AFAP1L2: variants seen among roughly 807,000 people sequenced by gnomAD.
AFAP1L2 encodes the protein actin filament-associated protein 1-like 2.
AFAP1L2 carries 46 observed loss-of-function variants against 99.3 expected under a neutral mutation model. That is an observed-to-expected ratio of 0.46 (90% CI 0.37 to 0.59). The LOEUF (loss-of-function observed/expected upper bound fraction) is 0.59. Among genes scored for constraint, AFAP1L2 ranks in the 20% least tolerant of loss-of-function variants. The pLI is 0.00. For synonymous variants in AFAP1L2, 397 were observed against 419.1 expected, an observed-to-expected ratio of 0.95 and a Z score of 0.64; for missense variants, 959 against 1,034.9, an observed-to-expected ratio of 0.93 and a Z score of 1.01.
At chr10:114,369,594 C>CA (rs34904418) in intron 1 of AFAP1L2, among the ~76,000 whole-genome samples, 2,304 of 73,676 alleles carry the variant, frequency 0.031, 96 homozygotes, top group African/African-American at 0.086. Flanking sequence ...GACTCCGACT[C>CA]AAAAAAAAAA....
chr10:114,350,810 C>T (rs543954026), intron 1 of AFAP1L2, among the ~76,000 whole-genome samples: 150 of 152,148 alleles, frequency 9.9e-4, no homozygotes, highest in Non-Finnish European at 1.6e-3. Flanking sequence ...GAAACCCGAC[C>T]CCTGAGGCAC....
intron 5 of AFAP1L2, among the ~76,000 whole-genome samples, chr10:114,322,253 G>C (rs2045479743): frequency 6.6e-6 from 1 of 152,164 alleles, no homozygotes; most frequent in Non-Finnish European, 1.5e-5. Flanking sequence ...CATGAGCACA[G>C]AGTAATACAC....
intron 7 of AFAP1L2, among the ~76,000 whole-genome samples, chr10:114,310,982 G>A (rs894304112): frequency 3.1e-5 from 3 of 97,104 alleles, no homozygotes; most frequent in South Asian, 6.8e-4. Context: ...CCTCTGGGAA[G>A]GGGCCTCTTC....
the AFAP1L2 span, chr10:114,281,377 G>C: frequency 1.3e-5 from 2 of 152,302 alleles, no homozygotes; most frequent in African/African-American, 4.8e-5. Flanking sequence ...TAGAGTGGGG[G>C]GATTTGGAGT....
At chr10:114,358,579 C>T (rs1317270619) in intron 1 of AFAP1L2, among the ~76,000 whole-genome samples, 3 of 152,058 alleles carry the variant, frequency 2.0e-5, no homozygotes, top group South Asian at 2.1e-4. Context: ...ATAACAATAA[C>T]AATAATAATA....
intron 9 of AFAP1L2, among the ~76,000 whole-genome samples, 187 bp downstream of exon 9, chr10:114,308,246 C>T (rs1256052121): frequency 1.3e-5 from 2 of 152,222 alleles, no homozygotes; most frequent in African/African-American, 4.8e-5. Flanking sequence ...CTATCCCCAG[C>T]ATTTCATGAA....
At chr10:114,286,115 C>CT in the AFAP1L2 span, 8 of 1,614,016 alleles carry the variant, frequency 5.0e-6, no homozygotes, top group Non-Finnish European at 6.8e-6. Context: ...CAGGGAGCTG[C>CT]TGGTGGCGGT....
At chr10:114,396,908 T>C (rs1241928881) in intron 1 of AFAP1L2, among the ~76,000 whole-genome samples, 1 of 152,226 alleles carries the variant, frequency 6.6e-6, no homozygotes, top group Non-Finnish European at 1.5e-5. Context: ...TCATCAGGCA[T>C]GAGCCCTTGG....
intron 1 of AFAP1L2, among the ~76,000 whole-genome samples, chr10:114,355,613 G>A (rs1049408996): frequency 1.3e-5 from 2 of 151,910 alleles, no homozygotes; most frequent in Non-Finnish European, 2.9e-5. Context: ...TAAAGTCTTT[G>A]CAATACATGT....
At chr10:114,301,047 A>G in intron 13 of AFAP1L2, among the ~76,000 whole-genome samples, 1 of 152,080 alleles carries the variant, frequency 6.6e-6, no homozygotes, top group East Asian at 1.9e-4. Context: ...CCCACTCAAC[A>G]ACCGATTTGG....
chr10:114,350,774 A>G (rs1239531005), intron 1 of AFAP1L2, among the ~76,000 whole-genome samples: 2 of 152,192 alleles, frequency 1.3e-5, no homozygotes, highest in Admixed American at 1.3e-4. Flanking sequence ...CCTAGGGATC[A>G]GAATCAGAGA....
chr10:114,311,070 G>T (rs531338449), intron 7 of AFAP1L2, among the ~76,000 whole-genome samples: 1 of 150,512 alleles, frequency 6.6e-6, no homozygotes, highest in East Asian at 2.0e-4. Flanking sequence ...TTCTGAAAGC[G>T]TTCTTGTCTT....
intron 1 of AFAP1L2, among the ~76,000 whole-genome samples, chr10:114,355,008 G>A (rs1010322703): frequency 3.9e-5 from 6 of 152,160 alleles, no homozygotes; most frequent in Non-Finnish European, 7.4e-5. Flanking sequence ...GTCATACAAT[G>A]GCCCCATAGA....
chr10:114,302,538 C>T, intron 11 of AFAP1L2, 54 bp from the exon 12 acceptor site: 1 of 1,606,354 alleles, frequency 6.2e-7, no homozygotes, highest in South Asian at 1.1e-5. Flanking sequence ...TGCCTGGTGC[C>T]AGCCCCTCCC....
intron 1 of AFAP1L2, among the ~76,000 whole-genome samples, chr10:114,392,245 T>A (rs1475243272): frequency 1.3e-5 from 2 of 151,988 alleles, no homozygotes; most frequent in Non-Finnish European, 2.9e-5. Flanking sequence ...AATAAATTAT[T>A]CAGGTGTGGT....
chr10:114,365,286 C>T (rs1007402253), intron 1 of AFAP1L2, among the ~76,000 whole-genome samples: 5 of 152,184 alleles, frequency 3.3e-5, no homozygotes, highest in African/African-American at 1.2e-4. Context: ...CAGGCATACG[C>T]TCGTGGCTCC....
chr10:114,323,012 G>A (rs1429435696), intron 5 of AFAP1L2, among the ~76,000 whole-genome samples, 159 bp downstream of exon 5: 1 of 152,214 alleles, frequency 6.6e-6, no homozygotes, highest in Non-Finnish European at 1.5e-5. Flanking sequence ...TCTGTGGCCA[G>A]TTCTCAATTT....
At chr10:114,310,689 A>G (rs1452416779) in intron 7 of AFAP1L2, among the ~76,000 whole-genome samples, 1 of 152,146 alleles carries the variant, frequency 6.6e-6, no homozygotes, top group East Asian at 1.9e-4. Flanking sequence ...CCACACGTTC[A>G]TGGGCATGCG....
chr10:114,285,873 C>T, the AFAP1L2 span: 30 of 1,462,302 alleles, frequency 2.1e-5, no homozygotes, highest in Admixed American at 1.9e-4. Flanking sequence ...TTCGGCATCT[C>T]GGGTGGGACA....
Sources: allele counts gnomAD v4.1 joint callset (sites outside exome capture counted in the v4.1 genomes callset), GRCh38; gene constraint gnomAD v4.1.1; transcripts MANE v1.5; gene names NCBI Gene and HGNC (gene_info 2026-07-23, HGNC 2026-07-21).